Variants in HOOK2 observed in about 807,000 individuals in gnomAD.
HOOK2 encodes hook microtubule tethering protein 2.
HOOK2 carries 108 observed loss-of-function variants against 111.9 expected under a neutral mutation model. That is an observed-to-expected ratio of 0.96 (90% CI 0.83 to 1.13). The LOEUF (loss-of-function observed/expected upper bound fraction) is 1.13. Ranked by LOEUF, HOOK2 falls within the 50% of genes most tolerant of loss-of-function variation. HOOK2 has a pLI of 0.00. For synonymous variants in HOOK2, 405 were observed against 394.3 expected (o/e 1.03, Z -0.32); for missense variants, 978 against 951.3 (o/e 1.03, Z -0.37).
intron 10 of HOOK2, among the ~76,000 whole-genome samples, chr19:12,770,570 A>C (rs1316888070): frequency 6.6e-6 from 1 of 151,832 alleles, no homozygotes; most frequent in African/African-American, 2.4e-5. Flanking sequence ...GTGGAGTCCT[A>C]GAAGGTACCA....
chr19:12,785,796 G>T (rs1968649818), intron 3 of HOOK2, among the ~76,000 whole-genome samples: 1 of 152,174 alleles, frequency 6.6e-6, no homozygotes, highest in African/African-American at 2.4e-5. Context: ...GGACACCCCA[G>T]TCTGTCTCTG....
intron 17 of HOOK2, 24 bp downstream of exon 17, chr19:12,765,805 C>T: frequency 6.2e-7 from 1 of 1,613,430 alleles, no homozygotes. Flanking sequence ...GTAGGGGGTG[C>T]CATCCTGGGC....
At chr19:12,773,581 C>G (rs1968403120) in intron 3 of HOOK2, among the ~76,000 whole-genome samples, 1 of 152,068 alleles carries the variant, frequency 6.6e-6, no homozygotes. Flanking sequence ...TCTCCAGAAC[C>G]AAGTCACTTC....
At position 12,765,094 on chromosome 19, in the gene HOOK2, G is replaced by A. The variant is rs958405694; in HGVS notation, c.1641-13C>T. ...ATGAAGCTTCTGCCTGTGGGCCGGG[G>A]ATGAGCAGCAGTGGGCTGACCTCCG... is the stretch of plus-strand genomic sequence containing the variant. On this transcript the variant is annotated splice_polypyrimidine_tract_variant and intron_variant, in intron 18 of 22. Coordinates refer to ENST00000397668, the MANE Select transcript of HOOK2 (RefSeq NM_013312.3). 6 of 1,613,842 alleles carry A rather than the reference G, an allele frequency of 3.7e-6. No homozygotes were observed. Among genetic ancestry groups the A allele is most frequent in the Non-Finnish European group, 5.1e-6 (6 of 1,179,908 alleles).
Position 12,791,271 on chromosome 19 carries a change from T to C in HOOK2, n.42-17046A>G, listed in dbSNP as rs940504747. Among the ~76,000 whole-genome samples the C allele has an allele frequency of 6.6e-6, 1 of 152,118 alleles. No homozygotes were observed. The highest frequency in any genetic ancestry group is 2.4e-5 in the African/African-American group (1 of 41,428). ...CCTTCCATGCGTACCCCGAGGTCCT[T>C]TGAGCCCCTCCCCCTGCAGCCCCGC... On this transcript the variant is annotated intron_variant and non_coding_transcript_variant, in intron 3 of 3. Transcript: ENST00000589765. This position sits in a 1 kb window ranked among gnomAD's most constrained non-coding sequence, Gnocchi z 7.0.
Position 12,774,745 on chromosome 19 carries a change from G to T in HOOK2, c.132-4C>A. 1 of 1,614,008 alleles carries T rather than the reference G, an allele frequency of 6.2e-7. No homozygotes were observed. The highest frequency in any genetic ancestry group is 1.1e-5 in the South Asian group (1 of 91,078). On this transcript the variant is annotated splice_region_variant and splice_polypyrimidine_tract_variant and intron_variant, in intron 2 of 22. Coordinates refer to ENST00000397668, the MANE Select transcript of HOOK2 (RefSeq NM_013312.3). ...CTCGTTGAACCAGGAGGGGTCTCTGGGGGCGAGAAGGTGGGATGAGCAGAC... is the reference window on the plus strand; with the variant it reads ...CTCGTTGAACCAGGAGGGGTCTCTGTGGGCGAGAAGGTGGGATGAGCAGAC...
At chr19:12,785,806 G>A (rs1968649986) in intron 3 of HOOK2, among the ~76,000 whole-genome samples, 1 of 152,162 alleles carries the variant, frequency 6.6e-6, no homozygotes, top group Non-Finnish European at 1.5e-5. Context: ...GTCTGTCTCT[G>A]CCCCACAGAG....
rs1303927158 is a variant in HOOK2, at chr19:12,767,993, C to G, written c.1215+20G>C. ...CAGAATTGGCAGGGTGGGGCTTGGGCAGTGGAACCTCAGCCTCACCTCCTT... is the reference window on the plus strand; with the variant it reads ...CAGAATTGGCAGGGTGGGGCTTGGGGAGTGGAACCTCAGCCTCACCTCCTT... On this transcript the variant is annotated intron_variant, in intron 12 of 22. Transcript: ENST00000397668. The G allele has an allele frequency of 6.2e-7, 1 of 1,611,916 alleles. No homozygotes were observed. The highest frequency in any genetic ancestry group is 1.7e-5 in the Admixed American group (1 of 59,972).
chr19:12,768,198 G>A (rs1568364647), intron 11 of HOOK2, 75 bp from the exon 12 acceptor site: 19 of 1,148,844 alleles, frequency 1.7e-5, no homozygotes, highest in Non-Finnish European at 2.0e-5. Context: ...AATGGTCCCC[G>A]ATCCAGGATG....
intron 7 of HOOK2, 112 bp downstream of exon 7, chr19:12,772,078 A>G: frequency 2.4e-6 from 2 of 823,012 alleles, no homozygotes; most frequent in Non-Finnish European, 4.1e-6. Flanking sequence ...TGGGGTCTGG[A>G]CCTTTAACAA....
At chr19:12,771,558 A>C in intron 7 of HOOK2, 81 bp from the exon 8 acceptor site, 5 of 1,171,398 alleles carry the variant, frequency 4.3e-6, no homozygotes, top group Non-Finnish European at 6.2e-6. Flanking sequence ...TAGAGGCCAA[A>C]TGGAGGGGGC....
rs1968706502 is a variant in HOOK2, at chr19:12,791,019, C to T, written n.42-16794G>A. ...GGGTCAGGTGTCTCCTTAACCCTCC[C>T]GATTTACAGTGCTTAACCCTCATTT... On this transcript the variant is annotated intron_variant and non_coding_transcript_variant, in intron 3 of 3. Coordinates refer to the HOOK2 transcript ENST00000589765. The surrounding 1 kb of genome is among the most constrained non-coding windows in gnomAD (Gnocchi z 7.0). 6.6e-6 allele frequency among the ~76,000 whole-genome samples: 1 copy of T among 152,188 alleles called. No homozygotes were observed. The highest frequency in any genetic ancestry group is 6.5e-5 in the Admixed American group (1 of 15,274).
At position 12,790,107 on chromosome 19, in the gene HOOK2, C is replaced by T. The variant is rs1968694881; in HGVS notation, n.42-15882G>A. 6.6e-6 allele frequency among the ~76,000 whole-genome samples: 1 copy of T among 152,062 alleles called. No homozygotes were observed. Among genetic ancestry groups the T allele is most frequent in the African/African-American group, 2.4e-5 (1 of 41,408 alleles). ...CCCCAAGCCGCCTGCCTCCGCGGTC[C>T]CCTGCAGGCACCGCGGGCGGAACCA... On this transcript the variant is annotated intron_variant and non_coding_transcript_variant, in intron 3 of 3. Transcript: ENST00000589765. The surrounding 1 kb of genome is among the most constrained non-coding windows in gnomAD (Gnocchi z 7.2).
chr19:12,771,807 G>A (rs1041496125), intron 7 of HOOK2: 2 of 369,836 alleles, frequency 5.4e-6, no homozygotes, highest in African/African-American at 2.1e-5. Flanking sequence ...GCTTGAACCC[G>A]GGAGGCGGAG....
chr19:12,783,442 A>T (rs1352493878), upstream of HOOK2, among the ~76,000 whole-genome samples: 1 of 150,256 alleles, frequency 6.7e-6, no homozygotes, highest in African/African-American at 2.5e-5. Flanking sequence ...GAAACGGTTA[A>T]AGCCGTTTTC....
chr19:12,773,380 C>G, intron 3 of HOOK2: 1 of 290,396 alleles, frequency 3.4e-6, no homozygotes, highest in Non-Finnish European at 6.6e-6. Flanking sequence ...CTCCCAGTAG[C>G]TGGGACTACA....
At position 12,790,221 on chromosome 19, in the gene HOOK2, G is replaced by T. The variant is rs868375171; in HGVS notation, n.42-15996C>A. Among the ~76,000 whole-genome samples, 2 of 152,220 alleles carry T rather than the reference G, an allele frequency of 1.3e-5. No homozygotes were observed. Among genetic ancestry groups the T allele is most frequent in the African/African-American group, 2.4e-5 (1 of 41,466 alleles). On this transcript the variant is annotated intron_variant and non_coding_transcript_variant, in intron 3 of 3. Transcript: ENST00000589765. The surrounding 1 kb of genome is among the most constrained non-coding windows in gnomAD (Gnocchi z 7.2). The stretch of plus-strand genomic sequence containing the variant: ...GCCTCCGCGGGGGCTCGCACGCCCA[G>T]GTTCCTCTTCCGAGGCGCAGGATGC...
chr19:12,769,442 A>C (rs1278020044), intron 11 of HOOK2, among the ~76,000 whole-genome samples: 2 of 151,928 alleles, frequency 1.3e-5, no homozygotes, highest in Non-Finnish European at 2.9e-5. Flanking sequence ...CTTTTGTTTG[A>C]GTCAGGGTCT....
chr19:12,790,720 C>G lies in HOOK2; in HGVS notation n.42-16495G>C, dbSNP rs1968704479. ...CAATTTCTGGCAGACATGTCTCCAT[C>G]TTCTACCTGGCATATTTTACCTGCC... On this transcript the variant is annotated intron_variant and non_coding_transcript_variant, in intron 3 of 3. Transcript: ENST00000589765. The surrounding 1 kb of genome is among the most constrained non-coding windows in gnomAD (Gnocchi z 7.2). 6.6e-6 allele frequency among the ~76,000 whole-genome samples: 1 copy of G among 152,190 alleles called. No homozygotes were observed. The highest frequency in any genetic ancestry group is 2.4e-5 in the African/African-American group (1 of 41,428).
Sources: allele counts gnomAD v4.1 joint callset (sites outside exome capture counted in the v4.1 genomes callset), GRCh38; gene constraint gnomAD v4.1.1; non-coding constraint Gnocchi (gnomAD v3.1); transcripts MANE v1.5; gene names NCBI Gene and HGNC (gene_info 2026-07-23, HGNC 2026-07-21).